The following MCTP2 variants were observed in gnomAD, a reference collection of about 807,000 sequenced individuals.
MCTP2 encodes the protein multiple C2 and transmembrane domain containing 2.
MCTP2 carries 132 observed loss-of-function variants against 111.6 expected under a neutral mutation model. The observed-to-expected ratio is 1.18, with a 90% CI of 1.03 to 1.37. The LOEUF is 1.37. MCTP2 is among the 40% of genes most tolerant of loss of function. The pLI is 0.00. For synonymous variants in MCTP2, 395 were observed against 387.7 expected (o/e 1.02, Z -0.22); for missense variants, 1,183 against 1,067.9 (o/e 1.11, Z -1.50).
At chr15:94,282,672 G>A (rs2074548330) in intron 1 of MCTP2, among the ~76,000 whole-genome samples, 2 of 152,206 alleles carry the variant, frequency 1.3e-5, no homozygotes, top group South Asian at 2.1e-4. Context: ...ATGGGCTGAT[G>A]TTCCTTTAAT....
chr15:94,408,088 T>C (rs777811700), intron 17 of MCTP2, among the ~76,000 whole-genome samples: 1 of 152,174 alleles, frequency 6.6e-6, no homozygotes, highest in Non-Finnish European at 1.5e-5. Context: ...GTCTAAAAGA[T>C]TTACTTTAAG....
chr15:94,241,158 G>T (rs578160089), intron 1 of MCTP2, among the ~76,000 whole-genome samples: 1 of 152,068 alleles, frequency 6.6e-6, no homozygotes, highest in African/African-American at 2.4e-5. Flanking sequence ...TGTAGAGTCG[G>T]TGGCTTTCTA....
At position 94,298,329 on chromosome 15, in the gene MCTP2, A is replaced by G. The variant is rs1567351654; in HGVS notation, c.64A>G (p.Asn22Asp). The G allele has an allele frequency of 6.2e-7, 1 of 1,614,128 alleles. No individual in the cohort carries two copies. The highest frequency in any genetic ancestry group is 8.5e-7 in the Non-Finnish European group (1 of 1,180,016). Residue 22 changes from asparagine (N) to aspartate (D), a missense_variant, in exon 2 of 23, where the codon AAC becomes GAC. Coordinates refer to ENST00000357742, the MANE Select transcript of MCTP2 (RefSeq NM_001385001.1). ...LKQRTRPLLI[N>D]LSKKKVKKNP... is the part of the protein sequence containing the mutation. ...ACAGCGGACCAGGCCATTGTTGATC[A>G]ACTTGAGCAAGAAGAAGGTGAAAAA...
At chr15:94,445,866 G>A (rs576240303) in intron 19 of MCTP2, among the ~76,000 whole-genome samples, 3 of 152,334 alleles carry the variant, frequency 2.0e-5, no homozygotes, top group Admixed American at 6.5e-5. Flanking sequence ...CCATCTTGAA[G>A]GTGACACTCT....
intron 1 of MCTP2, among the ~76,000 whole-genome samples, chr15:94,255,380 G>A (rs1305668966): frequency 5.9e-5 from 9 of 151,994 alleles, no homozygotes; most frequent in Admixed American, 5.9e-4. Context: ...CTAGAGAGAG[G>A]GTTTTATTCT....
intron 13 of MCTP2, 128 bp downstream of exon 13, chr15:94,384,252 T>A: frequency 1.7e-6 from 1 of 585,894 alleles, no homozygotes; most frequent in Non-Finnish European, 2.8e-6. Context: ...TTTGAAAACC[T>A]TGTATCCTTT....
intron 1 of MCTP2, among the ~76,000 whole-genome samples, chr15:94,234,851 A>T (rs898354301): frequency 6.6e-6 from 1 of 152,152 alleles, no homozygotes; most frequent in Non-Finnish European, 1.5e-5. Context: ...AGGCTTGCAT[A>T]GAGATGCCAC....
chr15:94,277,086 T>A (rs1396321651), intron 1 of MCTP2, among the ~76,000 whole-genome samples: 1 of 152,146 alleles, frequency 6.6e-6, no homozygotes, highest in Non-Finnish European at 1.5e-5. Context: ...AAAAATGATT[T>A]CAAGAAGATG....
chr15:94,334,344 T>G (rs2077258672), intron 4 of MCTP2, among the ~76,000 whole-genome samples: 1 of 152,224 alleles, frequency 6.6e-6, no homozygotes, highest in Non-Finnish European at 1.5e-5. Context: ...ACTTCAAAAT[T>G]TATTCATTCA....
At chr15:94,360,258 T>A in intron 10 of MCTP2, among the ~76,000 whole-genome samples, 1 of 152,086 alleles carries the variant, frequency 6.6e-6, no homozygotes, top group Non-Finnish European at 1.5e-5. Context: ...CCCAGCCAGG[T>A]TTGCATTTAG....
In MCTP2 at chr15:94,385,453, A is replaced by G; in HGVS notation, c.1716A>G (p.Glu572=). ...TTAAAGATATCCATGATGTTTTGGA[A>G]GTGACAGTGTTTGATGAAGATGGAG... ...FPIKDIHDVL[E]VTVFDEDGDK... Residue 572 remains glutamate (E), a synonymous_variant, in exon 14 of 23, where the codon GAA becomes GAG. Coordinates refer to ENST00000357742, the MANE Select transcript of MCTP2 (RefSeq NM_001385001.1). The G allele has an allele frequency of 6.2e-7, 1 of 1,613,390 alleles. No individual in the cohort carries two copies. The highest frequency in any genetic ancestry group is 8.5e-7 in the Non-Finnish European group (1 of 1,179,562).
At chr15:94,271,557 G>A (rs906542720) in intron 1 of MCTP2, among the ~76,000 whole-genome samples, 1 of 152,138 alleles carries the variant, frequency 6.6e-6, no homozygotes, top group Non-Finnish European at 1.5e-5. Flanking sequence ...GTTAATATGG[G>A]TAGGAGCTGG....
At chr15:94,350,775 C>G (rs946372666) in intron 8 of MCTP2, among the ~76,000 whole-genome samples, 1 of 152,202 alleles carries the variant, frequency 6.6e-6, no homozygotes, top group African/African-American at 2.4e-5. Flanking sequence ...ACGATTAATA[C>G]TATTGCACAT....
At chr15:94,405,632 C>T (rs1174410382) in intron 17 of MCTP2, among the ~76,000 whole-genome samples, 1 of 152,196 alleles carries the variant, frequency 6.6e-6, no homozygotes, top group African/African-American at 2.4e-5. Context: ...ATCAGTAATG[C>T]ACCTGCTATG....
intron 4 of MCTP2, among the ~76,000 whole-genome samples, chr15:94,320,331 C>T (rs1258065745): frequency 1.3e-5 from 2 of 151,894 alleles, no homozygotes; most frequent in Non-Finnish European, 2.9e-5. Flanking sequence ...TTAGTAGAGA[C>T]AGGGTTTCAC....
chr15:94,411,905 C>G (rs1325186357), intron 17 of MCTP2, among the ~76,000 whole-genome samples: 1 of 152,100 alleles, frequency 6.6e-6, no homozygotes, highest in African/African-American at 2.4e-5. Context: ...AATGACTTTT[C>G]TATTGCTTCC....
In MCTP2 at chr15:94,338,676, C is replaced by T. The variant is rs528281376; in HGVS notation, c.638-614C>T. ...TGTCAGCACTGAGGCCAGCTGAGGG[C>T]CTGGCTGATGTGGAGTTCAGCTGCC... On this transcript the variant is annotated intron_variant, in intron 4 of 22. Coordinates refer to ENST00000357742, the MANE Select transcript of MCTP2 (RefSeq NM_001385001.1). Among the ~76,000 whole-genome samples, 66 of 152,176 alleles carry T rather than the reference C, an allele frequency of 4.3e-4. 2 individuals are homozygous for T. The Middle Eastern group carries it at 0.014, about 32-fold the overall frequency.
rs117763471 is a variant in MCTP2, at chr15:94,407,549, G to A, written c.2085+5530G>A. On this transcript the variant is annotated intron_variant, in intron 17 of 22. Coordinates refer to ENST00000357742, the MANE Select transcript of MCTP2 (RefSeq NM_001385001.1). ...AGAATTTACTTTTCAGAGTTGACAA[G>A]GACTGAAATATGATACACAAATTAA... Among the ~76,000 whole-genome samples the A allele has an allele frequency of 2.2e-4, 34 of 152,128 alleles. No individual in the cohort carries two copies. The East Asian group carries it at 6.0e-3, about 27-fold the overall frequency.
intron 10 of MCTP2, among the ~76,000 whole-genome samples, chr15:94,364,865 G>A (rs1176759961): frequency 6.6e-6 from 1 of 152,180 alleles, no homozygotes. Context: ...GGAGCAGTGT[G>A]AGCTGGAGTT....
Sources: allele counts gnomAD v4.1 joint callset (sites outside exome capture counted in the v4.1 genomes callset), GRCh38; gene constraint gnomAD v4.1.1; transcripts MANE v1.5; gene names NCBI Gene and HGNC (gene_info 2026-07-23, HGNC 2026-07-21).